FGFR2: variants seen among roughly 807,000 people sequenced by gnomAD.
FGFR2 encodes the protein BEK fibroblast growth factor receptor.
Under a neutral mutation model 95.9 loss-of-function variants are expected in FGFR2, and 19 were observed. The ratio of observed to expected loss-of-function variants is 0.20; its 90% CI spans 0.14 to 0.29. The LOEUF (loss-of-function observed/expected upper bound fraction) is 0.29. Ranked by LOEUF, FGFR2 falls within the 10% of genes least tolerant of loss-of-function variation. FGFR2 has a pLI of 1.00. For synonymous variants in FGFR2, 392 were observed against 393.3 expected (o/e 1.00, Z 0.04); for missense variants, 707 against 1,056.9 (o/e 0.67, Z 4.59).
chr10:121,509,775 G>A (rs1307843893), intron 9 of FGFR2, among the ~76,000 whole-genome samples: 2 of 151,672 alleles, frequency 1.3e-5, no homozygotes, highest in African/African-American at 4.9e-5. Context: ...GGGCCACTGC[G>A]CCCGGTCTAA....
At chr10:121,596,552 C>T (rs564455322) in intron 1 of FGFR2, 3 of 198,946 alleles carry the variant, frequency 1.5e-5, no homozygotes, top group African/African-American at 6.9e-5. Flanking sequence ...GCAGACCCAT[C>T]TCTTCGCTTA....
intron 2 of FGFR2, among the ~76,000 whole-genome samples, chr10:121,575,482 CACT>C (rs1439931542): frequency 6.6e-6 from 1 of 152,132 alleles, no homozygotes; most frequent in Admixed American, 6.5e-5. Context: ...CCTGATGGAC[CACT>C]AAGACGCAGG....
At chr10:121,499,469 C>T (rs749202774) in intron 11 of FGFR2, among the ~76,000 whole-genome samples, 19 of 152,160 alleles carry the variant, frequency 1.2e-4, no homozygotes, top group Non-Finnish European at 2.6e-4. Context: ...AAGGAGGGAG[C>T]CACGGGCCAT....
chr10:121,573,224 C>T lies in FGFR2; in HGVS notation c.110-7520G>A, dbSNP rs115758691. Among the ~76,000 whole-genome samples, 1,164 of 152,316 alleles carry T rather than the reference C, an allele frequency of 7.6e-3. 11 individuals are homozygous for T. Among genetic ancestry groups the T allele is most frequent in the African/African-American group, 0.027 (1,102 of 41,552 alleles). ...CAGATGGGAAACCTGAGTCTTGCCCCGTCCAATCACTTCACGGAGAATGGA... is the reference window on the plus strand; with the variant it reads ...CAGATGGGAAACCTGAGTCTTGCCCTGTCCAATCACTTCACGGAGAATGGA... On this transcript the variant is annotated intron_variant, in intron 2 of 17. Transcript: ENST00000358487.
At position 121,481,046 on chromosome 10, in the gene FGFR2, A is replaced by C. The variant is rs554534648; in HGVS notation, c.2302-1025T>G. ...AAGACAGACTAGAACACATCTATTT[A>C]CATATTGTCTGTGGCTACTTTGAGG... is the stretch of plus-strand genomic sequence containing the variant. On this transcript the variant is annotated intron_variant, in intron 17 of 17. Coordinates refer to ENST00000358487, the MANE Select transcript of FGFR2 (RefSeq NM_000141.5). 2.7e-4 allele frequency among the ~76,000 whole-genome samples: 41 copies of C among 152,332 alleles called. No homozygotes were observed. The South Asian group carries it at 6.6e-3, about 25-fold the overall frequency.
At chr10:121,597,687 A>G (rs1463359623) in intron 1 of FGFR2, among the ~76,000 whole-genome samples, 1 of 152,234 alleles carries the variant, frequency 6.6e-6, no homozygotes, top group Non-Finnish European at 1.5e-5. Flanking sequence ...TGCGCCCGCC[A>G]GGGTTTGACA....
intron 6 of FGFR2, among the ~76,000 whole-genome samples, chr10:121,528,753 C>A (rs1270149949): frequency 6.6e-6 from 1 of 152,152 alleles, no homozygotes. Context: ...TAAAGAGAAA[C>A]TTCAAAATAG....
intron 4 of FGFR2, among the ~76,000 whole-genome samples, chr10:121,552,493 G>C (rs1350829406): frequency 6.6e-6 from 1 of 152,172 alleles, no homozygotes; most frequent in African/African-American, 2.4e-5. Flanking sequence ...TAAGTAACCT[G>C]CCAAAAGCCA....
Position 121,538,623 on chromosome 10 carries a change from G to A in FGFR2, c.717C>T (p.Ser239=), listed in dbSNP as rs2134602774. Residue 239 remains serine (S), a synonymous_variant, in exon 6 of 18, where the codon TCC becomes TCT. Coordinates refer to ENST00000358487, the MANE Select transcript of FGFR2 (RefSeq NM_000141.5). ...CATCCAGGTGGTACGTGTGATTGAT[G>A]GACCCGTATTCATTCTCCACTACAC... The part of the protein sequence containing the change: ...YTCVVENEYG[S]INHTYHLDVV... 2 of 1,614,126 alleles carry A rather than the reference G, an allele frequency of 1.2e-6. No individual in the cohort carries two copies. The highest frequency in any genetic ancestry group is 1.7e-6 in the Non-Finnish European group (2 of 1,180,012).
At chr10:121,565,816 C>T (rs1203306704) in intron 2 of FGFR2, 112 bp from the exon 3 acceptor site, 1 of 1,351,242 alleles carries the variant, frequency 7.4e-7, no homozygotes, top group Admixed American at 1.9e-5. Context: ...GCTGTTCTTG[C>T]TCTGCAAATG....
In FGFR2 at chr10:121,517,954, T is replaced by C; in HGVS notation, c.940-491A>G. 2.5e-6 allele frequency: 1 copy of C among 392,476 alleles called. No homozygotes were observed. The highest frequency in any genetic ancestry group is 4.9e-6 in the Non-Finnish European group (1 of 203,092). 24.3% of individuals were successfully genotyped at this position (392,476 alleles called of 1,614,324 possible). A position where few individuals can be genotyped will look rare whatever the true frequency, so the allele number is the denominator to read the frequency against. On this transcript the variant is annotated intron_variant, in intron 7 of 17. Coordinates refer to ENST00000358487, the MANE Select transcript of FGFR2 (RefSeq NM_000141.5). The surrounding 1 kb of genome is among the most constrained non-coding windows in gnomAD (Gnocchi z 4.7). ...TGTGGGAACCAATTGGGGTGGAAGG[T>C]TGTCTTGGTTACCAGGCTCTGGTTA...
chr10:121,593,737 T>G lies in FGFR2; in HGVS notation c.81A>C (p.Leu27Phe). 1.2e-6 allele frequency: 2 copies of G among 1,614,186 alleles called. No individual in the cohort carries two copies. Among genetic ancestry groups the G allele is most frequent in the Non-Finnish European group, 8.5e-7 (1 of 1,180,024 alleles). The change falls in exon 2 of 18, where the codon TTA becomes TTC. Residue 27 changes from leucine to phenylalanine, a missense_variant. Coordinates refer to ENST00000358487, the MANE Select transcript of FGFR2 (RefSeq NM_000141.5). ...TLSLARPSFSLVEDTTLEPEE... is the reference protein window; with the variant it reads ...TLSLARPSFSFVEDTTLEPEE... ...CTGGCTCTAATGTGGTATCCTCAAC[T>G]AAACTGAAGGAGGGCCGGGCCAGGG...
intron 5 of FGFR2, among the ~76,000 whole-genome samples, chr10:121,550,446 G>C (rs1855208161): frequency 6.6e-6 from 1 of 152,194 alleles, no homozygotes; most frequent in Non-Finnish European, 1.5e-5. Flanking sequence ...CATCTGCAGG[G>C]AGACAGCTGC....
Position 121,593,864 on chromosome 10 carries a change from G to C in FGFR2, c.-47C>G, listed in dbSNP as rs755803072. On this transcript the variant is annotated 5_prime_UTR_variant, in exon 2 of 18. Transcript: ENST00000358487. ...TCCTCTTCCATATCTCCATGTGGACGTTAATCCCATCTGCACACTTCCTCT... is the reference window on the plus strand; with the variant it reads ...TCCTCTTCCATATCTCCATGTGGACCTTAATCCCATCTGCACACTTCCTCT... 6 of 1,544,010 alleles carry C rather than the reference G, an allele frequency of 3.9e-6. No homozygotes were observed. The highest frequency in any genetic ancestry group is 5.4e-6 in the Non-Finnish European group (6 of 1,116,162).
chr10:121,565,848 T>A, intron 2 of FGFR2, 144 bp from the exon 3 acceptor site: 1 of 921,336 alleles, frequency 1.1e-6, no homozygotes, highest in Non-Finnish European at 1.7e-6. Flanking sequence ...CATCCACCTC[T>A]CCCCAAGCCC....
chr10:121,551,797 T>A (rs1589957607), intron 4 of FGFR2, among the ~76,000 whole-genome samples: 1 of 152,160 alleles, frequency 6.6e-6, no homozygotes, highest in South Asian at 2.1e-4. Context: ...CATATACAAC[T>A]GCGACAGCTC....
chr10:121,543,494 A>G (rs1474296867), intron 5 of FGFR2, among the ~76,000 whole-genome samples: 1 of 152,198 alleles, frequency 6.6e-6, no homozygotes, highest in Non-Finnish European at 1.5e-5. Flanking sequence ...TGGGTGACAG[A>G]GTGAGACTCT....
At chr10:121,496,932 A>G (rs1589755105) in intron 12 of FGFR2, among the ~76,000 whole-genome samples, 1 of 151,556 alleles carries the variant, frequency 6.6e-6, no homozygotes, top group Non-Finnish European at 1.5e-5. Context: ...GGAGTTCAAG[A>G]CCAGCCTGGC....
intron 9 of FGFR2, among the ~76,000 whole-genome samples, chr10:121,506,346 A>G (rs1848269583): frequency 7.9e-6 from 1 of 125,892 alleles, no homozygotes; most frequent in African/African-American, 3.0e-5. Context: ...CAACAGAGCA[A>G]GACTCCGTCT....
Sources: allele counts gnomAD v4.1 joint callset (sites outside exome capture counted in the v4.1 genomes callset), GRCh38; gene constraint gnomAD v4.1.1; non-coding constraint Gnocchi (gnomAD v3.1); transcripts MANE v1.5; gene names NCBI Gene and HGNC (gene_info 2026-07-23, HGNC 2026-07-21).